TGFBR3: variants seen among roughly 807,000 people sequenced by gnomAD.
TGFBR3 encodes transforming growth factor beta receptor 3.
In TGFBR3, 46 loss-of-function variants were observed where a neutral mutation model predicts 87.9. That is an observed-to-expected ratio of 0.52 (90% CI 0.41 to 0.67). The LOEUF (loss-of-function observed/expected upper bound fraction) is 0.67. Ranked by LOEUF, TGFBR3 falls within the 30% of genes least tolerant of loss-of-function variation. TGFBR3 has a pLI of 0.00. For synonymous variants in TGFBR3, 381 were observed against 391.6 expected (o/e 0.97, Z 0.32); for missense variants, 866 against 1,041.9 (o/e 0.83, Z 2.32).
At chr1:91,735,950 G>A (rs916437105) in intron 4 of TGFBR3, among the ~76,000 whole-genome samples, 8 of 152,046 alleles carry the variant, frequency 5.3e-5, no homozygotes, top group African/African-American at 1.7e-4. Flanking sequence ...TATTCATAAC[G>A]AAAAGCATGC....
At chr1:91,859,427 TG>T (rs1323807029) in intron 2 of TGFBR3, among the ~76,000 whole-genome samples, 3 of 60,938 alleles carry the variant, frequency 4.9e-5, no homozygotes, top group Non-Finnish European at 1.0e-4. Context: ...TTTTGGGAGG[TG>T]GGGGTGGGGG....
chr1:91,808,504 C>T (rs924697072), intron 2 of TGFBR3, among the ~76,000 whole-genome samples: 1 of 152,148 alleles, frequency 6.6e-6, no homozygotes, highest in Non-Finnish European at 1.5e-5. Flanking sequence ...CTCACTCTGT[C>T]GCCCAGGCTG....
chr1:91,874,825 T>C (rs1678720770), intron 1 of TGFBR3, among the ~76,000 whole-genome samples: 2 of 152,142 alleles, frequency 1.3e-5, no homozygotes, highest in South Asian at 4.2e-4. Flanking sequence ...TGAAGGAATC[T>C]GACTTAGGTT....
chr1:91,865,217 AAAG>A (rs1242988253), intron 1 of TGFBR3, among the ~76,000 whole-genome samples: 2 of 151,030 alleles, frequency 1.3e-5, no homozygotes, highest in African/African-American at 4.9e-5. Context: ...AAAAAAAAAA[AAAG>A]AAAAAAAGAA....
intron 16 of TGFBR3, among the ~76,000 whole-genome samples, chr1:91,686,820 A>AG (rs1243607176): frequency 6.6e-6 from 1 of 152,216 alleles, no homozygotes; most frequent in Non-Finnish European, 1.5e-5. Flanking sequence ...AAGTATAACA[A>AG]GGCTGCTCCT....
chr1:91,851,399 T>C (rs1333850469), intron 2 of TGFBR3, among the ~76,000 whole-genome samples: 4 of 152,178 alleles, frequency 2.6e-5, no homozygotes, highest in Non-Finnish European at 5.9e-5. Flanking sequence ...CTGCCATGGA[T>C]GTGGTGCGGG....
chr1:91,733,100 G>C (rs534190377), intron 5 of TGFBR3, among the ~76,000 whole-genome samples: 1 of 152,314 alleles, frequency 6.6e-6, no homozygotes, highest in South Asian at 2.1e-4. Context: ...CCTATCATGA[G>C]AGTACAGAAA....
chr1:91,707,757 A>G (rs992893013), intron 14 of TGFBR3, among the ~76,000 whole-genome samples: 1 of 152,158 alleles, frequency 6.6e-6, no homozygotes, highest in African/African-American at 2.4e-5. Flanking sequence ...TTAGATATCA[A>G]TGTTACTAGA....
intron 3 of TGFBR3, among the ~76,000 whole-genome samples, chr1:91,765,461 C>T (rs759201343): frequency 6.6e-6 from 1 of 151,928 alleles, no homozygotes; most frequent in South Asian, 2.1e-4. Flanking sequence ...TAAGCAGATT[C>T]CAGCTACTGA....
intron 10 of TGFBR3, among the ~76,000 whole-genome samples, chr1:91,717,062 A>C (rs1490158985): frequency 6.6e-6 from 1 of 152,246 alleles, no homozygotes; most frequent in African/African-American, 2.4e-5. Context: ...AGACTTGCCT[A>C]TACCGTGAGA....
At chr1:91,886,561 G>A (rs548789313), upstream of TGFBR3, among the ~76,000 whole-genome samples, 1 of 152,188 alleles carries the variant, frequency 6.6e-6, no homozygotes, top group Non-Finnish European at 1.5e-5. Context: ...CTCCCTGGAA[G>A]AGTTGGATTT....
At chr1:91,850,522 T>G (rs2101143458) in intron 2 of TGFBR3, among the ~76,000 whole-genome samples, 1 of 152,324 alleles carries the variant, frequency 6.6e-6, no homozygotes, top group African/African-American at 2.4e-5. Flanking sequence ...GGCTCACGCC[T>G]GTAATCCTGG....
At chr1:91,787,815 G>A (rs1015844926) in intron 3 of TGFBR3, among the ~76,000 whole-genome samples, 1 of 152,086 alleles carries the variant, frequency 6.6e-6, no homozygotes, top group African/African-American at 2.4e-5. Flanking sequence ...AGCCGGGCGT[G>A]GTGGTGTGCG....
intron 1 of TGFBR3, among the ~76,000 whole-genome samples, chr1:91,879,424 C>T (rs1271229523): frequency 2.6e-5 from 4 of 152,114 alleles, no homozygotes; most frequent in African/African-American, 9.7e-5. Context: ...TGCCCCCCGA[C>T]ACCAAAAAAT....
chr1:91,854,443 G>A (rs1431229317), intron 2 of TGFBR3, among the ~76,000 whole-genome samples: 2 of 152,034 alleles, frequency 1.3e-5, no homozygotes, highest in Admixed American at 6.5e-5. Context: ...GACATACAGA[G>A]CCACCTCCAG....
At chr1:91,870,572 C>T (rs1214974603) in intron 1 of TGFBR3, among the ~76,000 whole-genome samples, 2 of 152,180 alleles carry the variant, frequency 1.3e-5, no homozygotes, top group Non-Finnish European at 2.9e-5. Context: ...TTCTTCTGAA[C>T]CCACAAAATG....
intron 10 of TGFBR3, among the ~76,000 whole-genome samples, chr1:91,718,759 A>G (rs1027167391): frequency 2.0e-4 from 31 of 152,204 alleles, no homozygotes; most frequent in Admixed American, 6.5e-5. Flanking sequence ...AGTAACTTCA[A>G]AAGTAGGAGA....
Position 91,712,554 on chromosome 1 carries a change from C to A in TGFBR3, c.1867-12G>T. On this transcript the variant is annotated splice_polypyrimidine_tract_variant and intron_variant, in intron 12 of 16. Transcript: ENST00000212355. ...TTAGTAACAGATACCTATGAAAGAA[C>A]AGAAAGATGAATTAGGAAATGAGTT... 1 of 1,613,900 alleles carries A rather than the reference C, an allele frequency of 6.2e-7. No homozygotes were observed. Among genetic ancestry groups the A allele is most frequent in the Non-Finnish European group, 8.5e-7 (1 of 1,179,902 alleles).
At chr1:91,902,298 T>TGTGTGA (rs766460826) in intron 1 of TGFBR3, among the ~76,000 whole-genome samples, 1 of 151,342 alleles carries the variant, frequency 6.6e-6, no homozygotes, top group African/African-American at 2.4e-5. Flanking sequence ...TGTGTGTGTG[T>TGTGTGA]GACAGGGTCT....
Sources: allele counts gnomAD v4.1 joint callset (sites outside exome capture counted in the v4.1 genomes callset), GRCh38; gene constraint gnomAD v4.1.1; transcripts MANE v1.5; gene names NCBI Gene and HGNC (gene_info 2026-07-23, HGNC 2026-07-21).